Variants in VSTM1 observed in about 807,000 individuals in gnomAD.
VSTM1 encodes the protein V-set and transmembrane domain-containing protein 1.
A neutral mutation model predicts 33.1 loss-of-function variants in VSTM1; 27 were observed. The ratio of observed to expected loss-of-function variants is 0.82; its 90% CI spans 0.60 to 1.12. The LOEUF is 1.12. Among genes scored for constraint, VSTM1 ranks in the 50% most tolerant of loss-of-function variants. VSTM1 has a pLI of 0.00. For missense variants in VSTM1, 304 were observed against 288.9 expected (o/e 1.05, Z -0.38); for synonymous variants, 115 against 110.3 (o/e 1.04, Z -0.27).
intron 1 of VSTM1, among the ~76,000 whole-genome samples, chr19:54,062,806 A>G (rs1251493156): frequency 6.6e-6 from 1 of 152,034 alleles, no homozygotes; most frequent in African/African-American, 2.4e-5. Flanking sequence ...CACCCAGAAA[A>G]GGAGGAAGGA....
chr19:54,058,026 G>A lies in VSTM1; in HGVS notation c.355+280C>T, dbSNP rs569062839. Among the ~76,000 whole-genome samples, 14 of 152,040 alleles carry A rather than the reference G, an allele frequency of 9.2e-5. No homozygotes were observed. The East Asian group carries it at 1.9e-3, about 21-fold the overall frequency. On this transcript the variant is annotated intron_variant, in intron 3 of 8. Transcript: ENST00000338372. ...GAGGCGGAGGCAGGTGGATCACAAGGTCAGGAGATGGAGACCATCCTGGCT... is the reference window on the plus strand; with the variant it reads ...GAGGCGGAGGCAGGTGGATCACAAGATCAGGAGATGGAGACCATCCTGGCT...
At chr19:54,047,417 C>A (rs1301897612) in intron 4 of VSTM1, among the ~76,000 whole-genome samples, 3 of 151,982 alleles carry the variant, frequency 2.0e-5, no homozygotes, top group Non-Finnish European at 4.4e-5. Context: ...CTCAGCCTCC[C>A]AAGGAGCTGG....
intron 1 of VSTM1, among the ~76,000 whole-genome samples, chr19:54,059,062 T>TC (rs199983413): frequency 4.2e-5 from 6 of 143,794 alleles, no homozygotes; most frequent in South Asian, 4.3e-4. Flanking sequence ...CTTCTTTCTT[T>TC]TTTTTTTTTT....
At chr19:54,062,418 A>G (rs1271732787) in intron 1 of VSTM1, among the ~76,000 whole-genome samples, 2 of 151,960 alleles carry the variant, frequency 1.3e-5, no homozygotes, top group African/African-American at 2.4e-5. Context: ...TATGAACCCG[A>G]TAGTCATCTC....
At chr19:54,042,025 G>A (rs2070306469) in intron 6 of VSTM1, 72 bp from the exon 7 acceptor site, 24 of 1,606,438 alleles carry the variant, frequency 1.5e-5, no homozygotes, top group African/African-American at 2.7e-5. Flanking sequence ...CAATGGAGGG[G>A]AGAGGAAGGG....
At chr19:54,042,758 G>GTATA (rs1255104546) in intron 4 of VSTM1, among the ~76,000 whole-genome samples, 6 of 121,998 alleles carry the variant, frequency 4.9e-5, no homozygotes, top group African/African-American at 2.3e-4. Context: ...GTGTGTGTGT[G>GTATA]TATATATATA....
intron 3 of VSTM1, among the ~76,000 whole-genome samples, chr19:54,051,894 G>A (rs1316513818): frequency 6.6e-6 from 1 of 151,912 alleles, no homozygotes; most frequent in Admixed American, 6.6e-5. Context: ...CCAAGTAGCT[G>A]GGACTACAGG....
At chr19:54,048,488 T>C (rs1455138047) in intron 4 of VSTM1, 4 of 195,348 alleles carry the variant, frequency 2.0e-5, no homozygotes, top group Non-Finnish European at 4.5e-5. Flanking sequence ...AGAAATTATA[T>C]AATACCCACT....
In VSTM1 at chr19:54,056,192, TTTC is replaced by T. The variant is rs1348826748; in HGVS notation, c.355+2111_355+2113del. ...CAATTCTTTTTTTGTTTTTCTTTTC[TTTC>T]TTTCTTTTCTTTTCTTTTCTTTTTT... On this transcript the variant is annotated intron_variant, in intron 3 of 8. Transcript: ENST00000338372. Among the ~76,000 whole-genome samples, 472 of 112,164 alleles carry T rather than the reference TTTC, an allele frequency of 4.2e-3. 15 individuals are homozygous for T. Among genetic ancestry groups the T allele is most frequent in the Admixed American group, 0.027 (270 of 9,878 alleles). The allele number at this position is 112,164 out of a possible 152,430, so 73.6% of individuals were successfully genotyped here. A position where few individuals can be genotyped will look rare whatever the true frequency, so the allele number is the denominator to read the frequency against.
At chr19:54,055,987 T>A (rs1422759411) in intron 3 of VSTM1, among the ~76,000 whole-genome samples, 1 of 140,724 alleles carries the variant, frequency 7.1e-6, no homozygotes, top group East Asian at 2.0e-4. Flanking sequence ...AGTTAATTTC[T>A]AGAGCCAGTA....
chr19:54,054,708 G>A lies in VSTM1; in HGVS notation c.356-3260C>T, dbSNP rs778661434. ...GGGTGAGTGAATGGGTGAAAGGGTG[G>A]ATGAGTGGATGAATGGGTGGAAGGA... On this transcript the variant is annotated intron_variant, in intron 3 of 8. Coordinates refer to ENST00000338372, the MANE Select transcript of VSTM1 (RefSeq NM_198481.4). Among the ~76,000 whole-genome samples, 14 of 138,540 alleles carry A rather than the reference G, an allele frequency of 1.0e-4. 2 individuals carry two copies. Among genetic ancestry groups the A allele is most frequent in the Middle Eastern group, 3.5e-3 (1 of 288 alleles). The allele number at this position is 138,540 out of a possible 152,430, so 90.9% of individuals were successfully genotyped here.
chr19:54,053,487 T>TTC (rs1161238992), intron 3 of VSTM1, among the ~76,000 whole-genome samples: 1 of 142,548 alleles, frequency 7.0e-6, no homozygotes, highest in South Asian at 2.3e-4. Flanking sequence ...TCTCTCTTTC[T>TTC]TCTCTCTCTC....
chr19:54,044,531 C>T (rs1054461881), intron 4 of VSTM1, among the ~76,000 whole-genome samples: 2 of 152,090 alleles, frequency 1.3e-5, no homozygotes, highest in Non-Finnish European at 2.9e-5. Flanking sequence ...CTGCATCATA[C>T]ACTCAACTGA....
At chr19:54,046,597 C>G (rs747374429) in intron 4 of VSTM1, among the ~76,000 whole-genome samples, 4 of 152,000 alleles carry the variant, frequency 2.6e-5, no homozygotes, top group Admixed American at 6.6e-5. Context: ...AACCCATGTT[C>G]CCCAGATCCC....
intron 3 of VSTM1, among the ~76,000 whole-genome samples, chr19:54,051,873 G>C (rs2070855874): frequency 6.6e-6 from 1 of 151,962 alleles, no homozygotes; most frequent in African/African-American, 2.4e-5. Context: ...AGATTCTCCT[G>C]CCTCAGCCTT....
At chr19:54,052,334 C>T (rs1353056466) in intron 3 of VSTM1, among the ~76,000 whole-genome samples, 1 of 122,152 alleles carries the variant, frequency 8.2e-6, no homozygotes, top group Non-Finnish European at 1.8e-5. Flanking sequence ...GGAGGCGGAG[C>T]TTGCAGTGAG....
In VSTM1 at chr19:54,040,923, C is replaced by T. The variant is rs1035829; in HGVS notation, c.*38G>A. 0.33 allele frequency: 524,194 copies of T among 1,600,092 alleles called. 87,536 individuals carry two copies. Among genetic ancestry groups the T allele is most frequent in the South Asian group, 0.38 (33,734 of 89,738 alleles). ...AGATTTCCGATAACCTTGGCCAGCA[C>T]GATCCCCCCTCCTTTAGTGGCCAGG... On this transcript the variant is annotated 3_prime_UTR_variant, in exon 9 of 9. Coordinates refer to ENST00000338372, the MANE Select transcript of VSTM1 (RefSeq NM_198481.4).
At chr19:54,043,741 T>G (rs1259970289) in intron 4 of VSTM1, among the ~76,000 whole-genome samples, 1 of 152,182 alleles carries the variant, frequency 6.6e-6, no homozygotes, top group Non-Finnish European at 1.5e-5. Context: ...GGTTCTGTTT[T>G]TCTGGAAAAC....
Position 54,058,411 on chromosome 19 carries a change from T to C in VSTM1, c.250A>G (p.Thr84Ala). 1.2e-6 allele frequency: 2 copies of C among 1,614,084 alleles called. No homozygotes were observed. The highest frequency in any genetic ancestry group is 1.1e-5 in the South Asian group (1 of 91,074). Residue 84 changes from threonine (T) to alanine (A), a missense_variant, in exon 3 of 9, where the codon ACG (threonine) becomes GCG (alanine). Coordinates refer to ENST00000338372, the MANE Select transcript of VSTM1 (RefSeq NM_198481.4). ...CCAGCATCCTTAGGCTTCAGGTCCGTGAAGGGGAATTCAGCTTCGTTTTCT... is the reference window on the plus strand; with the variant it reads ...CCAGCATCCTTAGGCTTCAGGTCCGCGAAGGGGAATTCAGCTTCGTTTTCT... ...SAENEAEFPF[T>A]DLKPKDAGRY... is the part of the protein sequence containing the mutation.
Sources: gnomAD v4.1 joint callset for allele counts (sites outside exome capture counted in the v4.1 genomes callset) on GRCh38, gnomAD v4.1.1 for gene constraint, MANE v1.5 for transcripts, NCBI Gene and HGNC (gene_info 2026-07-23, HGNC 2026-07-21) for gene names.